The following EFR3A variants were observed in gnomAD, a reference collection of about 807,000 sequenced individuals.
EFR3A encodes EFR3 homolog A.
EFR3A carries 76 observed loss-of-function variants against 104.4 expected under a neutral mutation model. The ratio of observed to expected loss-of-function variants is 0.73; its 90% confidence interval spans 0.60 to 0.88. The LOEUF is 0.88. Ranked by LOEUF, EFR3A falls within the 40% of genes least tolerant of loss-of-function variation. The pLI is 0.00. For missense variants in EFR3A, 985 were observed against 1,012.5 expected (o/e 0.97, Z 0.37); for synonymous variants, 330 against 330.0 (o/e 1.00, Z 0.00).
At chr8:132,002,239 G>C (rs143084852) in intron 20 of EFR3A, among the ~76,000 whole-genome samples, 3 of 152,096 alleles carry the variant, frequency 2.0e-5, no homozygotes, top group Non-Finnish European at 4.4e-5. Context: ...GTAGTACCTC[G>C]TATGTGCAAG....
At chr8:131,926,532 A>T (rs1255592244) in intron 1 of EFR3A, among the ~76,000 whole-genome samples, 1 of 152,272 alleles carries the variant, frequency 6.6e-6, no homozygotes, top group East Asian at 1.9e-4. Context: ...TAAAAATTAC[A>T]TTTTAAGATA....
chr8:131,996,860 AT>A (rs1821522039), intron 19 of EFR3A, among the ~76,000 whole-genome samples: 1 of 152,092 alleles, frequency 6.6e-6, no homozygotes, highest in Non-Finnish European at 1.5e-5. Context: ...ATTTTTAAAA[AT>A]TTAGGAAATG....
chr8:131,912,249 A>G (rs1415414300), intron 1 of EFR3A, among the ~76,000 whole-genome samples: 1 of 152,196 alleles, frequency 6.6e-6, no homozygotes, highest in African/African-American at 2.4e-5. Flanking sequence ...TCACAGCTAC[A>G]TACTTCCTAC....
intron 1 of EFR3A, among the ~76,000 whole-genome samples, chr8:131,927,798 A>T (rs1343862068): frequency 6.6e-6 from 1 of 152,134 alleles, no homozygotes; most frequent in Non-Finnish European, 1.5e-5. Flanking sequence ...TTATTATTTT[A>T]GAAAAAAAAC....
chr8:131,923,930 T>A (rs561880386), intron 1 of EFR3A, among the ~76,000 whole-genome samples: 3 of 152,098 alleles, frequency 2.0e-5, no homozygotes, highest in African/African-American at 7.2e-5. Flanking sequence ...TTTCTTTTTT[T>A]AAGCAATTAA....
At chr8:131,986,285 A>T in intron 17 of EFR3A, 24 bp downstream of exon 17, 1 of 1,296,678 alleles carries the variant, frequency 7.7e-7, no homozygotes, top group African/African-American at 1.5e-5. Context: ...TTACATTTTA[A>T]GGATGGGGTA....
At chr8:131,933,880 T>C (rs1817741809) in intron 1 of EFR3A, among the ~76,000 whole-genome samples, 2 of 152,030 alleles carry the variant, frequency 1.3e-5, no homozygotes, top group African/African-American at 2.4e-5. Flanking sequence ...ATGCCTATTA[T>C]AGAGCAAAGT....
rs1240920371 is a variant in EFR3A, at chr8:131,944,970, GATAAT to G, written c.215+102_215+106del. ...TTATTTTGCCATTTAGTGAGACAAA[GATAAT>G]ATATAGAGGATAAAACATTGTAATA... On this transcript the variant is annotated intron_variant, in intron 3 of 22. Transcript: ENST00000254624. 7 of 1,286,506 alleles carry G rather than the reference GATAAT, an allele frequency of 5.4e-6. No homozygotes were observed. The African/African-American group carries it at 1.1e-4, about 20-fold the overall frequency. 79.7% of individuals were successfully genotyped at this position (1,286,506 alleles called of 1,614,324 possible).
chr8:131,923,376 A>G (rs377426824), intron 1 of EFR3A, among the ~76,000 whole-genome samples: 2 of 152,022 alleles, frequency 1.3e-5, no homozygotes, highest in Non-Finnish European at 2.9e-5. Context: ...ATACTATATT[A>G]TCTTTTCTAT....
Position 132,010,901 on chromosome 8 carries a change from G to A in EFR3A, c.*6G>A, listed in dbSNP as rs748261714. On this transcript the variant is annotated 3_prime_UTR_variant, in exon 23 of 23. Coordinates refer to ENST00000254624, the MANE Select transcript of EFR3A (RefSeq NM_015137.6). ...CAGATCTGTGTGTGTACTGATCGGCGCATGAAGACCTCAGGATATGATTTG... is the reference window on the plus strand; with the variant it reads ...CAGATCTGTGTGTGTACTGATCGGCACATGAAGACCTCAGGATATGATTTG... 2.4e-5 allele frequency: 38 copies of A among 1,588,944 alleles called. No individual in the cohort carries two copies. The highest frequency in any genetic ancestry group is 4.6e-5 in the South Asian group (4 of 87,636).
intron 3 of EFR3A, 73 bp from the exon 4 acceptor site, chr8:131,946,410 C>T: frequency 7.5e-7 from 1 of 1,330,798 alleles, no homozygotes; most frequent in Non-Finnish European, 9.8e-7. Flanking sequence ...TATTTCAGTT[C>T]TTCCAATGTA....
At chr8:131,990,912 G>A (rs1821148844) in intron 18 of EFR3A, among the ~76,000 whole-genome samples, 1 of 151,884 alleles carries the variant, frequency 6.6e-6, no homozygotes, top group African/African-American at 2.4e-5. Flanking sequence ...GGGACGCATA[G>A]GATTTACTTA....
At chr8:131,935,768 TG>T (rs1392865541) in intron 1 of EFR3A, among the ~76,000 whole-genome samples, 1 of 152,114 alleles carries the variant, frequency 6.6e-6, no homozygotes. Flanking sequence ...GCCAGTGGCA[TG>T]GTGGCAGTTA....
At chr8:131,912,946 A>G (rs1816578325) in intron 1 of EFR3A, among the ~76,000 whole-genome samples, 1 of 150,858 alleles carries the variant, frequency 6.6e-6, no homozygotes, top group South Asian at 2.1e-4. Flanking sequence ...TATGTTGTTC[A>G]GGAATAGGAA....
At chr8:131,910,784 T>C (rs1485798264) in intron 1 of EFR3A, among the ~76,000 whole-genome samples, 2 of 152,212 alleles carry the variant, frequency 1.3e-5, no homozygotes, top group East Asian at 3.8e-4. Flanking sequence ...GATCCAGTTA[T>C]CATATGCAGT....
rs879155708 is a variant in EFR3A, at chr8:131,935,506, G to A, written c.11-4993G>A. The A allele has an allele frequency of 1.3e-5, 6 of 447,728 alleles. No homozygotes were observed. The East Asian group carries it at 4.3e-4, about 32-fold the overall frequency. 27.7% of individuals were successfully genotyped at this position (447,728 alleles called of 1,614,324 possible). Reference sequence around the variant, plus strand: ...TAATCGTAGGCACTGTCATTTAAAAGTATGAAATCTAGTGAGCCATACATA... The same window carrying A: ...TAATCGTAGGCACTGTCATTTAAAAATATGAAATCTAGTGAGCCATACATA... On this transcript the variant is annotated intron_variant, in intron 1 of 22. Coordinates refer to ENST00000254624, the MANE Select transcript of EFR3A (RefSeq NM_015137.6).
At chr8:131,926,311 C>T (rs1365565585) in intron 1 of EFR3A, among the ~76,000 whole-genome samples, 1 of 152,066 alleles carries the variant, frequency 6.6e-6, no homozygotes, top group Non-Finnish European at 1.5e-5. Flanking sequence ...TTGTAAACAT[C>T]TGTGATGTAC....
At chr8:131,999,544 C>T (rs1821681342) in intron 19 of EFR3A, among the ~76,000 whole-genome samples, 1 of 151,254 alleles carries the variant, frequency 6.6e-6, no homozygotes, top group African/African-American at 2.4e-5. Flanking sequence ...GCCTTTGCAC[C>T]ACTTCTCTAT....
At chr8:131,910,958 A>G (rs1027108850) in intron 1 of EFR3A, among the ~76,000 whole-genome samples, 2 of 152,200 alleles carry the variant, frequency 1.3e-5, no homozygotes, top group Non-Finnish European at 2.9e-5. Flanking sequence ...GCTTCAGAGA[A>G]GAAAGAGTGG....
Sources: allele counts gnomAD v4.1 joint callset (sites outside exome capture counted in the v4.1 genomes callset), GRCh38; gene constraint gnomAD v4.1.1; transcripts MANE v1.5; gene names NCBI Gene and HGNC (gene_info 2026-07-23, HGNC 2026-07-21).